The following LAMA1 variants were observed in gnomAD, a reference collection of about 807,000 sequenced individuals.
LAMA1 encodes the protein laminin subunit alpha 1, also known as laminin subunit alpha-1.
Under a neutral mutation model 348.7 loss-of-function variants are expected in LAMA1, and 219 were observed. The ratio of observed to expected loss-of-function variants is 0.63; its 90% CI spans 0.56 to 0.70. The LOEUF (loss-of-function observed/expected upper bound fraction) is 0.70, where lower values mean the gene tolerates loss of function less well. LAMA1 is among the 30% of genes least tolerant of loss of function. The pLI is 0.00. For synonymous variants in LAMA1, 1,487 were observed against 1,491.0 expected (o/e 1.00, Z 0.06); for missense variants, 3,744 against 3,888.0 (o/e 0.96, Z 0.99).
At chr18:7,115,814 C>CAA (rs557585224) in intron 1 of LAMA1, among the ~76,000 whole-genome samples, 1,446 of 94,774 alleles carry the variant, frequency 0.015, 41 homozygotes, top group African/African-American at 0.048. Context: ...ACTAAAAATA[C>CAA]AAAAAAAAAA....
rs577564623 is a variant in LAMA1, at chr18:6,976,886, G to A, written c.6346-806C>T. On this transcript the variant is annotated intron_variant, in intron 44 of 62. Transcript: ENST00000389658. ...CAACCTCCCAAATTGTGGGAGTTAC[G>A]GGTGTGAGCTACCAGGCCCAGCCTG... Among the ~76,000 whole-genome samples the A allele has an allele frequency of 2.6e-5, 4 of 152,204 alleles. No individual in the cohort carries two copies. The South Asian group carries it at 6.2e-4, about 24-fold the overall frequency.
intron 1 of LAMA1, among the ~76,000 whole-genome samples, chr18:7,109,792 G>A (rs1406506538): frequency 1.6e-5 from 2 of 122,684 alleles, no homozygotes; most frequent in East Asian, 9.3e-4. Flanking sequence ...AGCAGAGGGA[G>A]AACATTACGA....
In LAMA1 at chr18:6,985,542, T is replaced by C. The variant is rs138711280; in HGVS notation, c.5481A>G (p.Val1827=). The C allele has an allele frequency of 2.4e-3, 3,839 of 1,614,066 alleles. 11 individuals carry two copies. Among genetic ancestry groups the C allele is most frequent in the Non-Finnish European group, 2.5e-3 (2,959 of 1,179,900 alleles). ...TGTAATTTACCTCTAGAGCATCTTG[T>C]ACAGCATCTGTTTGTGCAGCAGCAG... ...IDAAAAQTDA[V]QDALEHLEDH... is the part of the protein sequence containing the mutation. Residue 1827 remains valine (V), a synonymous_variant, in exon 38 of 63, where the codon GTA becomes GTG. Transcript: ENST00000389658.
At chr18:6,971,183 T>C (rs2057656631) in intron 48 of LAMA1, among the ~76,000 whole-genome samples, 1 of 152,182 alleles carries the variant, frequency 6.6e-6, no homozygotes, top group Non-Finnish European at 1.5e-5. Flanking sequence ...TTTATATACT[T>C]AAGGAGTTGC....
chr18:7,012,565 G>T (rs1295128981), intron 23 of LAMA1, among the ~76,000 whole-genome samples: 1 of 149,796 alleles, frequency 6.7e-6, no homozygotes, highest in Non-Finnish European at 1.5e-5. Context: ...GAGTGCAGTG[G>T]CACAATCTTG....
At chr18:6,969,318 C>A (rs535002145) in intron 48 of LAMA1, among the ~76,000 whole-genome samples, 3 of 152,202 alleles carry the variant, frequency 2.0e-5, no homozygotes, top group African/African-American at 7.2e-5. Context: ...GGATTACAGG[C>A]GTGACCCTCA....
Position 7,117,794 on chromosome 18 carries a change from G to A in LAMA1, c.-74C>T. 2 of 1,368,082 alleles carry A rather than the reference G, an allele frequency of 1.5e-6. No homozygotes were observed. The highest frequency in any genetic ancestry group is 2.0e-6 in the Non-Finnish European group (2 of 999,346). The allele number at this position is 1,368,082 out of a possible 1,614,324, so 84.7% of individuals were successfully genotyped here. ...GCCTGGAACGCTCCACGGGACGCGA[G>A]TCCGCGCTGCCCTGGCCCCGCCGCT... On this transcript the variant is annotated 5_prime_UTR_variant, in exon 1 of 63. Coordinates refer to ENST00000389658, the MANE Select transcript of LAMA1 (RefSeq NM_005559.4).
chr18:7,099,519 C>T (rs912329011), intron 1 of LAMA1, among the ~76,000 whole-genome samples: 2 of 150,460 alleles, frequency 1.3e-5, no homozygotes, highest in East Asian at 1.9e-4. Flanking sequence ...TACACCCTGA[C>T]TCCTTACCAT....
intron 1 of LAMA1, among the ~76,000 whole-genome samples, chr18:7,108,792 G>A (rs1326122381): frequency 6.6e-6 from 1 of 152,086 alleles, no homozygotes; most frequent in Non-Finnish European, 1.5e-5. Flanking sequence ...GAAGCCAGGG[G>A]TGAAGTTGCA....
chr18:7,100,468 G>A (rs1199969657), intron 1 of LAMA1, among the ~76,000 whole-genome samples: 1 of 152,068 alleles, frequency 6.6e-6, no homozygotes, highest in Non-Finnish European at 1.5e-5. Context: ...TCTAATCCTA[G>A]GAATTTCACT....
At chr18:7,115,815 A>C (rs1392560407) in intron 1 of LAMA1, among the ~76,000 whole-genome samples, 1,125 of 31,082 alleles carry the variant, frequency 0.036, 14 homozygotes, top group African/African-American at 0.18. Context: ...CTAAAAATAC[A>C]AAAAAAAAAA....
chr18:7,101,380 C>T (rs2058290545), intron 1 of LAMA1, among the ~76,000 whole-genome samples: 2 of 152,114 alleles, frequency 1.3e-5, no homozygotes, highest in African/African-American at 4.8e-5. Flanking sequence ...CCTGAAATGT[C>T]CTGTATCCAG....
chr18:6,994,492 C>G (rs1487059887), intron 34 of LAMA1, among the ~76,000 whole-genome samples: 1 of 152,174 alleles, frequency 6.6e-6, no homozygotes, highest in Admixed American at 6.5e-5. Flanking sequence ...CTATTTCCAA[C>G]CAAATGTTTG....
At position 6,955,411 on chromosome 18, in the gene LAMA1, C is replaced by T. The variant is rs761553367; in HGVS notation, c.8149G>A (p.Gly2717Ser). ...ATGAAATGGCTGTTTTGTGTGAGAC[C>T]AAACTGGTGAGCGCCGGGAACGTAC... ...LEYVPGAHQFGLTQNSHFILP... is the reference protein window; with the variant it reads ...LEYVPGAHQFSLTQNSHFILP... Residue 2717 changes from glycine (G) to serine (S), a missense_variant, in exon 57 of 63, where the codon GGT becomes AGT. By Grantham distance (56) the Gly-to-Ser change is moderately conservative. Coordinates refer to ENST00000389658, the MANE Select transcript of LAMA1 (RefSeq NM_005559.4). 1.2e-6 allele frequency: 2 copies of T among 1,613,996 alleles called. No individual in the cohort carries two copies. The highest frequency in any genetic ancestry group is 2.7e-5 in the African/African-American group (2 of 74,896).
chr18:7,024,343 T>C, intron 18 of LAMA1, 37 bp downstream of exon 18: 1 of 1,529,392 alleles, frequency 6.5e-7, no homozygotes, highest in Non-Finnish European at 9.0e-7. Flanking sequence ...TTATATTTAA[T>C]TTCGAAAATG....
intron 19 of LAMA1, among the ~76,000 whole-genome samples, chr18:7,021,392 G>C (rs2057914750): frequency 6.6e-6 from 1 of 152,178 alleles, no homozygotes; most frequent in Non-Finnish European, 1.5e-5. Context: ...AAGCGGTTTT[G>C]TCAATGTGGA....
At chr18:6,965,172 G>A in intron 50 of LAMA1, 116 bp downstream of exon 50, 1 of 1,332,514 alleles carries the variant, frequency 7.5e-7, no homozygotes. Flanking sequence ...TGGCTTCCAA[G>A]TAGACTATCA....
At chr18:7,006,231 T>C (rs1033443088) in intron 29 of LAMA1, among the ~76,000 whole-genome samples, 1 of 152,160 alleles carries the variant, frequency 6.6e-6, no homozygotes, top group African/African-American at 2.4e-5. Context: ...GAGGCTTCTG[T>C]CTGGGCCGCT....
intron 1 of LAMA1, among the ~76,000 whole-genome samples, chr18:7,090,688 A>G (rs746331097): frequency 1.4e-5 from 2 of 144,934 alleles, no homozygotes; most frequent in Admixed American, 1.4e-4. Flanking sequence ...AAGAGAACAG[A>G]GAGAGAGAGA....
Sources: gnomAD v4.1 joint callset for allele counts (sites outside exome capture counted in the v4.1 genomes callset) on GRCh38, gnomAD v4.1.1 for gene constraint, MANE v1.5 for transcripts, NCBI Gene and HGNC (gene_info 2026-07-23, HGNC 2026-07-21) for gene names.